MCU: variants seen among roughly 807,000 people sequenced by gnomAD.
The protein encoded by MCU is mitochondrial calcium uniporter.
A neutral mutation model predicts 45.2 loss-of-function variants in MCU; 12 were observed. That is an observed-to-expected ratio of 0.27 (90% CI 0.17 to 0.43). The LOEUF is 0.43. MCU is among the 20% of genes least tolerant of loss of function. The probability of loss-of-function intolerance (pLI) is 1.00; values close to 1 mark genes in which losing one functional copy is unlikely to be tolerated. For missense variants in MCU, 324 were observed against 436.7 expected, an observed-to-expected ratio of 0.74 and a Z score of 2.30; for synonymous variants, 160 against 165.1, an observed-to-expected ratio of 0.97 and a Z score of 0.24.
intron 1 of MCU, among the ~76,000 whole-genome samples, chr10:72,824,246 G>C (rs1394967592): frequency 6.6e-6 from 1 of 150,428 alleles, no homozygotes; most frequent in Non-Finnish European, 1.5e-5. Flanking sequence ...GCCCAGGCTG[G>C]AGTGCAGTGG....
intron 1 of MCU, among the ~76,000 whole-genome samples, chr10:72,736,031 A>G (rs1843247919): frequency 6.6e-6 from 1 of 152,246 alleles, no homozygotes; most frequent in Non-Finnish European, 1.5e-5. Context: ...TTTCTTGGCT[A>G]GTGACATTGA....
intron 2 of MCU, among the ~76,000 whole-genome samples, chr10:72,838,603 C>T (rs145654882): frequency 6.6e-6 from 1 of 152,004 alleles, no homozygotes; most frequent in Non-Finnish European, 1.5e-5. Context: ...TCACTGCTCC[C>T]TCCTGAACGA....
chr10:72,860,202 C>G (rs1416240458), intron 3 of MCU: 3 of 509,684 alleles, frequency 5.9e-6, no homozygotes, highest in African/African-American at 5.8e-5. Context: ...TTCACTTGTT[C>G]ATATAGTTCA....
chr10:72,715,157 C>T (rs1022027583), intron 1 of MCU: 1 of 985,528 alleles, frequency 1.0e-6, no homozygotes, highest in Non-Finnish European at 1.2e-6. Flanking sequence ...ACCGTTTCTA[C>T]CTCACTCTCC....
rs139520754 is a variant in MCU at position 72,764,610 on chromosome 10, C to A, written c.151-69749C>A. On this transcript the variant is annotated intron_variant, in intron 1 of 7. Transcript: ENST00000373053. ...TGTTTAAATGGTGATTATACTTTTT[C>A]ATTGGGAAGACTATGCAGTAGGGAA... is the stretch of plus-strand genomic sequence containing the variant. Among the ~76,000 whole-genome samples, 466 of 152,194 alleles carry A rather than the reference C, an allele frequency of 3.1e-3. 2 individuals carry two copies. Among genetic ancestry groups the A allele is most frequent in the Admixed American group, 8.5e-3 (130 of 15,268 alleles).
At chr10:72,869,236 ATTTGCAGAT>A (rs1363228855) in intron 5 of MCU, among the ~76,000 whole-genome samples, 9 of 152,242 alleles carry the variant, frequency 5.9e-5, no homozygotes, top group Non-Finnish European at 1.3e-4. Flanking sequence ...TAGGTTCTAC[ATTTGCAGAT>A]TTAACCAACC....
At chr10:72,717,095 G>C (rs1277359435) in intron 1 of MCU, among the ~76,000 whole-genome samples, 1 of 151,042 alleles carries the variant, frequency 6.6e-6, no homozygotes, top group African/African-American at 2.4e-5. Context: ...TATTTGAAAG[G>C]TGCACAGTCT....
At chr10:72,839,296 A>G (rs532990161) in intron 2 of MCU, among the ~76,000 whole-genome samples, 4 of 152,238 alleles carry the variant, frequency 2.6e-5, no homozygotes, top group Non-Finnish European at 4.4e-5. Flanking sequence ...GGCCACAACA[A>G]TCCATCTTTG....
chr10:72,856,682 C>G (rs1349912342), intron 2 of MCU, among the ~76,000 whole-genome samples: 2 of 150,686 alleles, frequency 1.3e-5, no homozygotes, highest in Non-Finnish European at 2.9e-5. Context: ...TGGCTTTAGT[C>G]CCAGCACTTT....
chr10:72,776,126 C>T (rs1056318827), intron 1 of MCU, among the ~76,000 whole-genome samples: 12 of 151,596 alleles, frequency 7.9e-5, no homozygotes, highest in Non-Finnish European at 1.0e-4. Flanking sequence ...TATCATTGCA[C>T]TACTGCACTA....
intron 1 of MCU, among the ~76,000 whole-genome samples, chr10:72,700,164 A>T (rs925094187): frequency 6.7e-6 from 1 of 150,276 alleles, no homozygotes; most frequent in Non-Finnish European, 1.5e-5. Flanking sequence ...AGTTCAAGCG[A>T]TTCTCCTGTC....
At chr10:72,782,802 T>G (rs763737787) in intron 1 of MCU, among the ~76,000 whole-genome samples, 3 of 152,240 alleles carry the variant, frequency 2.0e-5, no homozygotes, top group Non-Finnish European at 2.9e-5. Flanking sequence ...GCTTATGTAT[T>G]ATTCGTATCT....
chr10:72,757,185 A>G (rs1352054176), intron 1 of MCU, among the ~76,000 whole-genome samples: 1 of 152,192 alleles, frequency 6.6e-6, no homozygotes, highest in Non-Finnish European at 1.5e-5. Flanking sequence ...AAGGAATTCA[A>G]TGAGGGAAAA....
chr10:72,778,696 A>G (rs2132748020), intron 1 of MCU, among the ~76,000 whole-genome samples: 1 of 152,342 alleles, frequency 6.6e-6, no homozygotes, highest in Non-Finnish European at 1.5e-5. Context: ...AAAAAATATC[A>G]TGCATGGAAA....
chr10:72,732,324 T>C (rs1843187511), intron 1 of MCU, among the ~76,000 whole-genome samples: 1 of 152,232 alleles, frequency 6.6e-6, no homozygotes, highest in South Asian at 2.1e-4. Flanking sequence ...TCATTATGAA[T>C]CTGGCATCTA....
chr10:72,825,780 G>A (rs147056085), intron 1 of MCU, among the ~76,000 whole-genome samples: 6 of 152,134 alleles, frequency 3.9e-5, no homozygotes, highest in African/African-American at 1.4e-4. Context: ...TGTGTGTCAG[G>A]AAATAATGTA....
At chr10:72,750,486 T>C (rs1243857904) in intron 1 of MCU, among the ~76,000 whole-genome samples, 1 of 152,238 alleles carries the variant, frequency 6.6e-6, no homozygotes, top group East Asian at 1.9e-4. Context: ...TTATTTAGGC[T>C]TCTTGTTAAC....
chr10:72,779,797 G>A lies in MCU; in HGVS notation c.151-54562G>A, dbSNP rs78869352. On this transcript the variant is annotated intron_variant, in intron 1 of 7. Transcript: ENST00000373053. ...AAATAACAAGTGTTAGTGAGGGTAT[G>A]GGGAAATTGGAACCCTCATTCATTG... Among the ~76,000 whole-genome samples, 965 of 152,284 alleles carry A rather than the reference G, an allele frequency of 6.3e-3. 15 individuals are homozygous for A. Among genetic ancestry groups the A allele is most frequent in the African/African-American group, 0.022 (925 of 41,548 alleles).
At chr10:72,739,868 G>T (rs1298479365) in intron 1 of MCU, among the ~76,000 whole-genome samples, 2 of 151,588 alleles carry the variant, frequency 1.3e-5, no homozygotes, top group Non-Finnish European at 2.9e-5. Flanking sequence ...GTAGAGACAG[G>T]GTTTCACCCT....
Sources: allele counts gnomAD v4.1 joint callset (sites outside exome capture counted in the v4.1 genomes callset), GRCh38; gene constraint gnomAD v4.1.1; transcripts MANE v1.5; gene names NCBI Gene and HGNC (gene_info 2026-07-23, HGNC 2026-07-21).